CNTNAP2: variants seen among roughly 807,000 people sequenced by gnomAD.
The protein encoded by CNTNAP2 is contactin-associated protein-like 2.
In CNTNAP2, 98 loss-of-function variants were observed where a neutral mutation model predicts 155.2. That is an observed-to-expected ratio of 0.63 (90% CI 0.54 to 0.75). The LOEUF is 0.75. Among genes scored for constraint, CNTNAP2 ranks in the 30% least tolerant of loss-of-function variants. CNTNAP2 has a pLI of 0.00. For synonymous variants in CNTNAP2, 651 were observed against 631.2 expected (o/e 1.03, Z -0.47); for missense variants, 1,727 against 1,688.1 (o/e 1.02, Z -0.40).
At chr7:148,116,798 A>G (rs1156577849) in intron 15 of CNTNAP2, among the ~76,000 whole-genome samples, 1 of 152,220 alleles carries the variant, frequency 6.6e-6, no homozygotes, top group Non-Finnish European at 1.5e-5. Flanking sequence ...AAAAGGAAGG[A>G]AAAATATCAT....
intron 9 of CNTNAP2, among the ~76,000 whole-genome samples, chr7:147,353,078 T>C (rs1795995166): frequency 7.9e-6 from 1 of 127,314 alleles, no homozygotes; most frequent in Non-Finnish European, 1.7e-5. Context: ...CATGTAGAAT[T>C]CTTTATATAT....
chr7:147,907,082 A>T (rs1401189839), intron 14 of CNTNAP2, among the ~76,000 whole-genome samples: 1 of 151,454 alleles, frequency 6.6e-6, no homozygotes, highest in Non-Finnish European at 1.5e-5. Context: ...TAAGAGACGG[A>T]GTCTTGCTCT....
chr7:148,061,001 A>G (rs1803117624), intron 15 of CNTNAP2, among the ~76,000 whole-genome samples: 1 of 152,242 alleles, frequency 6.6e-6, no homozygotes, highest in African/African-American at 2.4e-5. Context: ...AGAAATTGAG[A>G]GTTTGAGACC....
At chr7:146,447,739 G>A (rs1194209002) in intron 1 of CNTNAP2, among the ~76,000 whole-genome samples, 1 of 151,796 alleles carries the variant, frequency 6.6e-6, no homozygotes, top group Admixed American at 6.6e-5. Flanking sequence ...AGTTTCAAAG[G>A]CCAAGCAGAA....
intron 14 of CNTNAP2, among the ~76,000 whole-genome samples, chr7:147,972,471 G>T (rs75874204): frequency 6.6e-6 from 1 of 152,150 alleles, no homozygotes; most frequent in Non-Finnish European, 1.5e-5. Context: ...TAAACTGCCT[G>T]GAGGCTTCTT....
In CNTNAP2 at chr7:147,800,064, A is replaced by G. The variant is rs1525267; in HGVS notation, c.2099-103501A>G. Among the ~76,000 whole-genome samples, 711 of 152,364 alleles carry G rather than the reference A, an allele frequency of 4.7e-3. 5 individuals are homozygous for G. The highest frequency in any genetic ancestry group is 7.5e-3 in the Non-Finnish European group (511 of 68,042). ...TAAATATATAGTATGTGTCAAAATT[A>G]AATAAGATAATAATATAAGACAATG... On this transcript the variant is annotated intron_variant, in intron 13 of 23. Coordinates refer to ENST00000361727, the MANE Select transcript of CNTNAP2 (RefSeq NM_014141.6).
chr7:147,358,105 C>G (rs1796092769), intron 9 of CNTNAP2, among the ~76,000 whole-genome samples: 1 of 152,024 alleles, frequency 6.6e-6, no homozygotes, highest in Admixed American at 6.6e-5. Flanking sequence ...AATGACAGCC[C>G]TGAAGGTAAA....
intron 3 of CNTNAP2, among the ~76,000 whole-genome samples, chr7:147,023,250 C>G (rs1388105623): frequency 6.6e-6 from 1 of 152,008 alleles, no homozygotes; most frequent in Non-Finnish European, 1.5e-5. Flanking sequence ...CCTACATGTG[C>G]TAACATTTGT....
At chr7:147,306,018 C>A (rs1444074819) in intron 9 of CNTNAP2, among the ~76,000 whole-genome samples, 1 of 152,134 alleles carries the variant, frequency 6.6e-6, no homozygotes, top group Admixed American at 6.5e-5. Context: ...GATAAGGACA[C>A]CACTCATGGG....
intron 3 of CNTNAP2, chr7:146,915,775 T>G (rs1268962867): frequency 6.6e-6 from 1 of 152,064 alleles, no homozygotes; most frequent in Non-Finnish European, 1.5e-5. Flanking sequence ...CAAAAACAGT[T>G]TGACTTCCTC....
chr7:147,103,007 A>G (rs1285821885), intron 4 of CNTNAP2, among the ~76,000 whole-genome samples: 1 of 152,180 alleles, frequency 6.6e-6, no homozygotes, highest in Admixed American at 6.5e-5. Flanking sequence ...TTGTAGCACC[A>G]AGATGGGTCA....
rs534809080 is a variant in CNTNAP2 at position 147,896,779 on chromosome 7, G to A, written c.2099-6786G>A. Reference sequence around the variant, plus strand: ...TCTTAACTATAATTTCTAATCTTGCGGCTAATGTTAGTCCTACAAAGGCAA... The same window carrying A: ...TCTTAACTATAATTTCTAATCTTGCAGCTAATGTTAGTCCTACAAAGGCAA... On this transcript the variant is annotated intron_variant, in intron 13 of 23. Transcript: ENST00000361727. Among the ~76,000 whole-genome samples the A allele has an allele frequency of 8.5e-5, 13 of 152,252 alleles. No homozygotes were observed. The South Asian group carries it at 2.1e-3, about 24-fold the overall frequency.
intron 8 of CNTNAP2, among the ~76,000 whole-genome samples, chr7:147,187,300 G>C (rs547101660): frequency 2.8e-4 from 42 of 152,284 alleles, no homozygotes; most frequent in African/African-American, 8.2e-4. Context: ...CCAAGCTCCT[G>C]CCAGAGGTAC....
intron 9 of CNTNAP2, among the ~76,000 whole-genome samples, chr7:147,352,197 TGTTA>T (rs901791154): frequency 2.0e-5 from 3 of 151,974 alleles, no homozygotes; most frequent in African/African-American, 7.2e-5. Flanking sequence ...TATAACATAA[TGTTA>T]GTTTTATGTA....
chr7:147,591,757 T>A (rs1800737938), intron 12 of CNTNAP2, among the ~76,000 whole-genome samples: 1 of 152,160 alleles, frequency 6.6e-6, no homozygotes, highest in Non-Finnish European at 1.5e-5. Context: ...TTCAGGATAA[T>A]GTCCACTGGC....
intron 3 of CNTNAP2, among the ~76,000 whole-genome samples, chr7:146,844,418 G>A (rs1317752485): frequency 6.6e-6 from 1 of 151,738 alleles, no homozygotes; most frequent in African/African-American, 2.4e-5. Flanking sequence ...AAATAAAATT[G>A]CCCAAAAAAT....
chr7:146,334,680 C>T (rs1266676917), intron 1 of CNTNAP2, among the ~76,000 whole-genome samples: 1 of 152,118 alleles, frequency 6.6e-6, no homozygotes, highest in Non-Finnish European at 1.5e-5. Flanking sequence ...GATCTCAGGT[C>T]CCATGACAAT....
chr7:147,003,168 A>C (rs1000640315), intron 3 of CNTNAP2, among the ~76,000 whole-genome samples: 6 of 152,018 alleles, frequency 3.9e-5, no homozygotes, highest in Non-Finnish European at 7.4e-5. Flanking sequence ...TCTGAGGCTG[A>C]CAAAAAATGA....
chr7:146,876,572 C>T (rs1795432666), intron 3 of CNTNAP2, among the ~76,000 whole-genome samples: 1 of 152,148 alleles, frequency 6.6e-6, no homozygotes, highest in African/African-American at 2.4e-5. Flanking sequence ...TCTGATCCTT[C>T]ATCTTTCATT....
Sources: gnomAD v4.1 joint callset for allele counts (sites outside exome capture counted in the v4.1 genomes callset) on GRCh38, gnomAD v4.1.1 for gene constraint, MANE v1.5 for transcripts, NCBI Gene and HGNC (gene_info 2026-07-23, HGNC 2026-07-21) for gene names.